The following TET1 variants were observed in gnomAD, a reference collection of about 807,000 sequenced individuals.
TET1 encodes the protein methylcytosine dioxygenase TET1.
A neutral mutation model predicts 148.7 loss-of-function variants in TET1; 13 were observed. The ratio of observed to expected loss-of-function variants is 0.09; its 90% CI spans 0.06 to 0.14. TET1 has a LOEUF of 0.14. Among genes scored for constraint, TET1 ranks in the 10% least tolerant of loss-of-function variants. The pLI, the probability that TET1 is intolerant of heterozygous loss-of-function variation, is 1.00. For missense variants in TET1, 2,182 were observed against 2,553.8 expected, an observed-to-expected ratio of 0.85 and a Z score of 3.14; for synonymous variants, 907 against 937.2, an observed-to-expected ratio of 0.97 and a Z score of 0.59.
rs1252293347 is a variant in TET1 at position 68,639,454 on chromosome 10, C to CTATTATTAT, written c.1969-5242_1969-5241insTTATTATTA. Among the ~76,000 whole-genome samples the CTATTATTAT allele has an allele frequency of 4.3e-3, 595 of 139,194 alleles. 2 individuals are homozygous for CTATTATTAT. Among genetic ancestry groups the CTATTATTAT allele is most frequent in the African/African-American group, 0.015 (563 of 37,936 alleles). 91.3% of individuals were successfully genotyped at this position (139,194 alleles called of 152,430 possible). On this transcript the variant is annotated intron_variant, in intron 3 of 11. Transcript: ENST00000373644. ...ACTATTACTATTATTATTACTACTA[C>CTATTATTAT]TACTACTACTACTATTATTATTATT...
intron 2 of TET1, among the ~76,000 whole-genome samples, chr10:68,592,866 G>C (rs1052123873): frequency 6.6e-6 from 1 of 152,162 alleles, no homozygotes; most frequent in Middle Eastern, 3.4e-3. Flanking sequence ...GTGTCTCTTA[G>C]AAGATGGTAG....
intron 2 of TET1, among the ~76,000 whole-genome samples, chr10:68,589,537 CA>C (rs1018097926): frequency 2.3e-4 from 35 of 151,986 alleles, no homozygotes; most frequent in African/African-American, 6.5e-4. Context: ...CTCCTGGGCT[CA>C]AGTGATCCAC....
intron 6 of TET1, among the ~76,000 whole-genome samples, chr10:68,663,456 A>G (rs1347370726): frequency 6.6e-6 from 1 of 152,192 alleles, no homozygotes; most frequent in African/African-American, 2.4e-5. Context: ...CATCCTCAGT[A>G]TATAAGGATC....
At chr10:68,652,866 T>C (rs2054959408) in intron 6 of TET1, among the ~76,000 whole-genome samples, 1 of 149,200 alleles carries the variant, frequency 6.7e-6, no homozygotes, top group South Asian at 2.1e-4. Context: ...TTTTTTTTTT[T>C]TTTTAGTGGA....
chr10:68,652,349 C>T (rs578190365), intron 5 of TET1, 152 bp from the exon 6 acceptor site: 124 of 501,432 alleles, frequency 2.5e-4, no homozygotes, highest in African/African-American at 2.3e-3. Context: ...CACACAAAAG[C>T]AAATGTTTAA....
chr10:68,597,029 G>GGTTTTTTTTTTTTT (rs1446597252), intron 2 of TET1, among the ~76,000 whole-genome samples: 1 of 90,300 alleles, frequency 1.1e-5, no homozygotes, highest in South Asian at 4.2e-4. Context: ...ACAGCTAATG[G>GGTTTTTTTTTTTTT]ATTTTTTTTT....
rs539556032 is a variant in TET1, at chr10:68,675,885, C to T, written c.4824+2840C>T. Among the ~76,000 whole-genome samples the T allele has an allele frequency of 5.3e-5, 8 of 152,120 alleles. No individual in the cohort carries two copies. The East Asian group carries it at 7.7e-4, about 15-fold the overall frequency. On this transcript the variant is annotated intron_variant, in intron 8 of 11. Transcript: ENST00000373644. ...TTGTTGTTGTCTTGAGATGGAGTTT[C>T]GCTCTTATTGCCTAGGCTGACGTGC...
chr10:68,683,972 GT>G (rs1458049680), intron 10 of TET1, among the ~76,000 whole-genome samples: 1 of 152,162 alleles, frequency 6.6e-6, no homozygotes, highest in Admixed American at 6.6e-5. Context: ...ATTTTTGTCT[GT>G]TTGCTTCACC....
rs770806511 is a variant in TET1, at chr10:68,686,395, G to T, written c.5092G>T (p.Val1698Phe). The change falls in exon 11 of 12, where the codon GTT becomes TTT. Residue 1698 changes from valine (V) to phenylalanine (F), a missense_variant. Val to Phe is a conservative substitution (Grantham distance 50). Around this residue, in one of 11 missense-constraint regions of TET1, gnomAD observed 380 missense variants for 387.9 expected, o/e 0.98. Coordinates refer to ENST00000373644, the MANE Select transcript of TET1 (RefSeq NM_030625.3). ...LTREDNRSLG[V>F]IPQDEQLHVL... ...TCGAGAAGATAACCGCTCTTTGGGT[G>T]TTATTCCTCAAGATGAGCAGCTCCA... The T allele has an allele frequency of 2.7e-5, 43 of 1,612,980 alleles. No homozygotes were observed. Among genetic ancestry groups the T allele is most frequent in the Non-Finnish European group, 3.5e-5 (41 of 1,179,488 alleles).
chr10:68,600,308 A>G (rs2054037865), intron 2 of TET1, among the ~76,000 whole-genome samples: 1 of 152,134 alleles, frequency 6.6e-6, no homozygotes, highest in Admixed American at 6.5e-5. Context: ...GTTACTAATC[A>G]GGAAGGCTCT....
rs2055587738 is a variant in TET1 at position 68,691,202 on chromosome 10, G to A, written c.5799G>A (p.Pro1933=). ...AGCCTTCCACTGGTGTGACTGAGCC[G>A]CTAACGCCTCATCAGCCAAACCACC... ...NSEPSTGVTE[P]LTPHQPNHQP... Residue 1933 remains proline, a synonymous_variant, in exon 12 of 12, where the codon CCG becomes CCA. Coordinates refer to ENST00000373644, the MANE Select transcript of TET1 (RefSeq NM_030625.3). This position sits in a 1 kb window ranked among gnomAD's most constrained non-coding sequence, Gnocchi z 4.4. The A allele has an allele frequency of 9.9e-6, 16 of 1,613,982 alleles. No homozygotes were observed. The highest frequency in any genetic ancestry group is 3.3e-5 in the South Asian group (3 of 91,088).
chr10:68,649,151 G>A (rs1326801362), intron 4 of TET1, among the ~76,000 whole-genome samples: 1 of 152,180 alleles, frequency 6.6e-6, no homozygotes, highest in East Asian at 1.9e-4. Context: ...GCTCTTCAAA[G>A]AGAGGGTTTA....
At chr10:68,632,428 G>A in intron 3 of TET1, 1 of 1,612,276 alleles carries the variant, frequency 6.2e-7, no homozygotes, top group Non-Finnish European at 8.5e-7. Context: ...TAAGCTCCTA[G>A]GATTTTTAGA....
At position 68,574,048 on chromosome 10, in the gene TET1, T is replaced by A; in HGVS notation, c.1710T>A (p.Ser570Arg). The change falls in exon 2 of 12, where the codon AGT becomes AGA. Residue 570 changes from serine (S) to arginine (R), a missense_variant. Coordinates refer to ENST00000373644, the MANE Select transcript of TET1 (RefSeq NM_030625.3). The part of the protein sequence containing the change: ...TVVTMPVPMV[S>R]TSSSSYTTLL... ...TGACTATGCCAGTGCCAATGGTCAG[T>A]ACCTCCTCTTCTTCCTATACCACTT... 2 of 1,614,192 alleles carry A rather than the reference T, an allele frequency of 1.2e-6. No individual in the cohort carries two copies. The highest frequency in any genetic ancestry group is 1.7e-6 in the Non-Finnish European group (2 of 1,180,038).
At chr10:68,561,513 A>T (rs746490942) in intron 1 of TET1, among the ~76,000 whole-genome samples, 2 of 152,174 alleles carry the variant, frequency 1.3e-5, no homozygotes, top group Non-Finnish European at 2.9e-5. Context: ...TTGCGATCCC[A>T]TCAGTCCCCG....
chr10:68,589,199 T>C (rs2053892310), intron 2 of TET1, among the ~76,000 whole-genome samples: 1 of 152,060 alleles, frequency 6.6e-6, no homozygotes, highest in African/African-American at 2.4e-5. Flanking sequence ...TTCTTCACTA[T>C]CATGGTAATG....
In TET1 at chr10:68,609,169, A is replaced by T. The variant is rs1206409801; in HGVS notation, c.1968+8135A>T. Among the ~76,000 whole-genome samples, 2 of 149,472 alleles carry T rather than the reference A, an allele frequency of 1.3e-5. 1 individual carries two copies. Among genetic ancestry groups the T allele is most frequent in the South Asian group, 4.3e-4 (2 of 4,690 alleles). On this transcript the variant is annotated intron_variant, in intron 3 of 11. Coordinates refer to ENST00000373644, the MANE Select transcript of TET1 (RefSeq NM_030625.3). ...TGTGCCACCAAGCCTGACTAATTTT[A>T]TTTTTTTTTGAGATGGAGTTTCGCT...
intron 3 of TET1, among the ~76,000 whole-genome samples, chr10:68,626,506 A>G (rs1011250046): frequency 6.6e-5 from 10 of 150,478 alleles, no homozygotes; most frequent in African/African-American, 1.7e-4. Context: ...TGGCCTAGAC[A>G]TTTATTATTG....
At chr10:68,677,863 G>A (rs1044513003) in intron 8 of TET1, among the ~76,000 whole-genome samples, 4 of 151,878 alleles carry the variant, frequency 2.6e-5, no homozygotes, top group African/African-American at 4.8e-5. Flanking sequence ...CAGGTGATTC[G>A]CCTGCCTTGG....
Sources: allele counts gnomAD v4.1 joint callset (sites outside exome capture counted in the v4.1 genomes callset), GRCh38; gene constraint gnomAD v4.1.1; regional missense constraint gnomAD v4.1.1; non-coding constraint Gnocchi (gnomAD v3.1); transcripts MANE v1.5; gene names NCBI Gene and HGNC (gene_info 2026-07-23, HGNC 2026-07-21).